The following ECT2L variants were observed in gnomAD, a reference collection of about 807,000 sequenced individuals.
ECT2L encodes epithelial cell transforming 2 like.
Under a neutral mutation model 122.8 loss-of-function variants are expected in ECT2L, and 126 were observed. The ratio of observed to expected loss-of-function variants is 1.03; its 90% CI spans 0.89 to 1.19. ECT2L has a LOEUF of 1.19. Among genes scored for constraint, ECT2L ranks in the 50% most tolerant of loss-of-function variants. The pLI is 0.00. For missense variants in ECT2L, 1,012 were observed against 1,064.1 expected, an observed-to-expected ratio of 0.95 and a Z score of 0.68; for synonymous variants, 385 against 381.8, an observed-to-expected ratio of 1.01 and a Z score of -0.10.
intron 13 of ECT2L, among the ~76,000 whole-genome samples, chr6:138,873,659 TG>T (rs1360273982): frequency 2.1e-4 from 32 of 151,858 alleles, no homozygotes; most frequent in Non-Finnish European, 1.3e-4. Flanking sequence ...CTGGGCCTGG[TG>T]GTGGGCGCCT....
At chr6:138,833,718 C>T (rs1037858268) in intron 4 of ECT2L, among the ~76,000 whole-genome samples, 1 of 152,020 alleles carries the variant, frequency 6.6e-6, no homozygotes, top group African/African-American at 2.4e-5. Context: ...AGGAGAATCG[C>T]TTGAATCCAG....
In ECT2L at chr6:138,849,400, C is replaced by T. The variant is rs778001790; in HGVS notation, c.1035C>T (p.Ser345=). 6.2e-6 allele frequency: 10 copies of T among 1,613,416 alleles called. No individual in the cohort carries two copies. Among genetic ancestry groups the T allele is most frequent in the African/African-American group, 2.7e-5 (2 of 74,808 alleles). Residue 345 remains serine, a synonymous_variant, in exon 9 of 22, where the codon AGC becomes AGT. Transcript: ENST00000541398. ...AGGCACAGAGCATCGGAATATTTAG[C>T]GATGGAGACAGCAGAGAAATCAATT... ...GQKAQSIGIF[S]DGDSREINLL...
At chr6:138,886,978 T>G (rs1778847853) in intron 19 of ECT2L, 56 bp downstream of exon 19, 2 of 1,476,824 alleles carry the variant, frequency 1.4e-6, no homozygotes, top group Non-Finnish European at 1.9e-6. Flanking sequence ...ACCTCCAGTC[T>G]TTTGCAAAAG....
At chr6:138,876,124 AG>A (rs1454456500) in intron 13 of ECT2L, among the ~76,000 whole-genome samples, 1 of 151,406 alleles carries the variant, frequency 6.6e-6, no homozygotes, top group Non-Finnish European at 1.5e-5. Context: ...CTCAAGAAAA[AG>A]AAAAAAAAAA....
At chr6:138,896,546 C>T (rs1006771369) in intron 20 of ECT2L, among the ~76,000 whole-genome samples, 5 of 152,200 alleles carry the variant, frequency 3.3e-5, no homozygotes, top group Admixed American at 2.0e-4. Context: ...GGACCCCAAA[C>T]GCCACTGTGA....
In ECT2L at chr6:138,838,378, G is replaced by A. The variant is rs1776918438; in HGVS notation, c.206G>A (p.Arg69Lys). The A allele has an allele frequency of 6.2e-7, 1 of 1,609,536 alleles. No individual in the cohort carries two copies. The highest frequency in any genetic ancestry group is 1.1e-5 in the South Asian group (1 of 89,978). ...LRFVQDWFSE[R>K]MQVAKVDFST... is the part of the protein sequence containing the mutation. ...TTTGTCCAAGACTGGTTTTCAGAAAGGATGCAAGTGGCCAAAGTGGACTTC... is the reference window on the plus strand; with the variant it reads ...TTTGTCCAAGACTGGTTTTCAGAAAAGATGCAAGTGGCCAAAGTGGACTTC... Residue 69 changes from arginine to lysine, a missense_variant, in exon 5 of 22, where the codon AGG (arginine) becomes AAG (lysine). Coordinates refer to ENST00000541398, the MANE Select transcript of ECT2L (RefSeq NM_001077706.3).
intron 4 of ECT2L, among the ~76,000 whole-genome samples, chr6:138,825,142 G>A (rs973871798): frequency 5.9e-5 from 9 of 152,226 alleles, no homozygotes; most frequent in East Asian, 1.9e-4. Context: ...GGATATTTAC[G>A]CTGGAGTCTG....
At chr6:138,809,667 G>C (rs1775826330) in intron 1 of ECT2L, among the ~76,000 whole-genome samples, 1 of 152,014 alleles carries the variant, frequency 6.6e-6, no homozygotes, top group African/African-American at 2.4e-5. Context: ...TATATTTATG[G>C]TAATATGCTT....
In ECT2L at chr6:138,846,691, T is replaced by C. The variant is rs762994711; in HGVS notation, c.903+14T>C. 5.1e-5 allele frequency: 80 copies of C among 1,582,974 alleles called. No homozygotes were observed. The highest frequency in any genetic ancestry group is 6.6e-5 in the Non-Finnish European group (77 of 1,166,038). On this transcript the variant is annotated intron_variant, in intron 8 of 21. Transcript: ENST00000541398. ...CCTGCGTATGAGGTAGAGTATGTTA[T>C]GAGGCCAGTCCTGTCCTGATTGTTT...
At chr6:138,881,773 T>A (rs138450778) in intron 15 of ECT2L, among the ~76,000 whole-genome samples, 105 of 152,234 alleles carry the variant, frequency 6.9e-4, no homozygotes, top group African/African-American at 2.3e-3. Context: ...ATGCCACTGC[T>A]GATCTGGAGC....
Position 138,838,434 on chromosome 6 carries a change from T to C in ECT2L, c.262T>C (p.Tyr88His). 3.1e-6 allele frequency: 5 copies of C among 1,614,124 alleles called. No homozygotes were observed. The highest frequency in any genetic ancestry group is 4.2e-6 in the Non-Finnish European group (5 of 1,180,000). The part of the protein sequence containing the change: ...STVLPRFISL[Y>H]IFSFLSPKDL... The stretch of plus-strand genomic sequence containing the variant: ...AGTGTTACCACGCTTCATTTCTCTA[T>C]ATATCTTTTCCTTTTTGAGTCCGAA... The change falls in exon 5 of 22, where the codon TAT becomes CAT. Residue 88 changes from tyrosine to histidine, a missense_variant. Transcript: ENST00000541398.
rs1775957962 is a variant in ECT2L at position 138,813,214 on chromosome 6, T to C, written c.-61T>C. 2.3e-6 allele frequency: 3 copies of C among 1,296,156 alleles called. No individual in the cohort carries two copies. The highest frequency in any genetic ancestry group is 4.6e-5 in the East Asian group (2 of 43,404). 80.3% of individuals were successfully genotyped at this position (1,296,156 alleles called of 1,614,324 possible). On this transcript the variant is annotated 5_prime_UTR_variant, in exon 3 of 22. Transcript: ENST00000541398. ...CCTATTGAAATAAACCTGTAGTTTC[T>C]AGAAGTGGAAGAAAATTTGCTGAGA...
rs150281081 is a variant in ECT2L at position 138,880,856 on chromosome 6, G to C, written c.1666-101G>C. 2,120 of 1,000,472 alleles carry C rather than the reference G, an allele frequency of 2.1e-3. 33 individuals are homozygous for C. In the African/African-American group the frequency reaches 0.028, roughly 13 times the overall value. The allele number at this position is 1,000,472 out of a possible 1,614,324, so 62.0% of individuals were successfully genotyped here. ...GCCCCCGTGAAGTCCCCTTCAACCT[G>C]AACAGCACAAACCAGCAAGGGGGGT... On this transcript the variant is annotated intron_variant, in intron 14 of 21. Coordinates refer to ENST00000541398, the MANE Select transcript of ECT2L (RefSeq NM_001077706.3).
intron 9 of ECT2L, among the ~76,000 whole-genome samples, chr6:138,852,324 G>A (rs1424943036): frequency 6.6e-6 from 1 of 151,552 alleles, no homozygotes. Context: ...AAACCTCAAC[G>A]GTTACTTTTT....
At chr6:138,801,848 T>C (rs1775553645) in intron 1 of ECT2L, among the ~76,000 whole-genome samples, 1 of 152,170 alleles carries the variant, frequency 6.6e-6, no homozygotes, top group Admixed American at 6.5e-5. Context: ...GACTCATAAA[T>C]GAAATTTATT....
intron 4 of ECT2L, among the ~76,000 whole-genome samples, chr6:138,830,057 A>G (rs1328653663): frequency 6.6e-6 from 1 of 152,154 alleles, no homozygotes; most frequent in Admixed American, 6.6e-5. Context: ...AATAATCCCA[A>G]TCTGTATGGC....
At chr6:138,843,288 T>G (rs2128389555) in intron 6 of ECT2L, 57 bp downstream of exon 6, 1 of 1,472,494 alleles carries the variant, frequency 6.8e-7, no homozygotes. Flanking sequence ...ACAAATGGAT[T>G]CACATACAAA....
intron 18 of ECT2L, among the ~76,000 whole-genome samples, chr6:138,886,092 A>G (rs536640525): frequency 3.8e-4 from 57 of 151,596 alleles, no homozygotes; most frequent in African/African-American, 1.3e-3. Flanking sequence ...AGAATGAAGT[A>G]TTTGGACTGA....
intron 14 of ECT2L, among the ~76,000 whole-genome samples, chr6:138,878,467 G>A (rs1320292754): frequency 6.6e-6 from 1 of 152,080 alleles, no homozygotes; most frequent in Non-Finnish European, 1.5e-5. Context: ...TGTTTTTTGA[G>A]ATGGAGTCTC....
Sources: allele counts gnomAD v4.1 joint callset (sites outside exome capture counted in the v4.1 genomes callset), GRCh38; gene constraint gnomAD v4.1.1; transcripts MANE v1.5; gene names NCBI Gene and HGNC (gene_info 2026-07-23, HGNC 2026-07-21).